The following LILRB2 variants were observed in gnomAD, a reference collection of about 807,000 sequenced individuals.
LILRB2 encodes the protein leukocyte immunoglobulin-like receptor subfamily B member 2.
In LILRB2, 47 loss-of-function variants were observed where a neutral mutation model predicts 72.7. That is an observed-to-expected ratio of 0.65 (90% CI 0.51 to 0.82). The LOEUF (loss-of-function observed/expected upper bound fraction) is 0.82. Among genes scored for constraint, LILRB2 ranks in the 40% least tolerant of loss-of-function variants. The pLI, the probability that LILRB2 is intolerant of heterozygous loss-of-function variation, is 0.00. For missense variants in LILRB2, 767 were observed against 764.8 expected, an observed-to-expected ratio of 1.00 and a Z score of -0.03; for synonymous variants, 279 against 313.7, an observed-to-expected ratio of 0.89 and a Z score of 1.17.
chr19:54,280,711 G>C, intron 1 of LILRB2, 167 bp from the exon 2 acceptor site: 1 of 965,250 alleles, frequency 1.0e-6, no homozygotes, highest in South Asian at 1.5e-5. Flanking sequence ...GCTGAGGTGG[G>C]GGCAGGCACT....
rs760455944 is a variant in LILRB2, at chr19:54,277,538, C to T, written c.1357+12G>A. The T allele has an allele frequency of 6.4e-7, 1 of 1,565,888 alleles. No homozygotes were observed. Among genetic ancestry groups the T allele is most frequent in the Non-Finnish European group, 8.7e-7 (1 of 1,154,118 alleles). The stretch of plus-strand genomic sequence containing the variant: ...GACCCCGCCCACCTCCCACTCAGAG[C>T]CCCTCACTCACCACTTTGGGGATCC... On this transcript the variant is annotated intron_variant, in intron 9 of 13. Coordinates refer to ENST00000314446, the MANE Select transcript of LILRB2 (RefSeq NM_001080978.4).
At chr19:54,280,583 C>T in intron 1 of LILRB2, 39 bp from the exon 2 acceptor site, 2 of 1,560,416 alleles carry the variant, frequency 1.3e-6, no homozygotes, top group Non-Finnish European at 1.8e-6. Flanking sequence ...ATAGCCTCCC[C>T]TCCTTCCCAC....
In LILRB2 at chr19:54,275,273, T is replaced by A. The variant is rs150193555; in HGVS notation, c.1648-444A>T. On this transcript the variant is annotated intron_variant, in intron 13 of 13. Transcript: ENST00000314446. Reference sequence around the variant, plus strand: ...TGACCTTGCCCATTTGGCTGCAGCCTCATGGGCCTTCCCGCAAGAGCTCGC... The same window carrying A: ...TGACCTTGCCCATTTGGCTGCAGCCACATGGGCCTTCCCGCAAGAGCTCGC... The A allele has an allele frequency of 7.5e-4, 515 of 686,714 alleles. 2 individuals are homozygous for A. Among genetic ancestry groups the A allele is most frequent in the African/African-American group, 6.9e-3 (383 of 55,434 alleles). 42.5% of individuals were successfully genotyped at this position (686,714 alleles called of 1,614,324 possible). A position where few individuals can be genotyped will look rare whatever the true frequency, so the allele number is the denominator to read the frequency against.
intron 13 of LILRB2, chr19:54,275,323 C>T (rs1188983022): frequency 3.5e-5 from 20 of 567,120 alleles, no homozygotes; most frequent in Non-Finnish European, 4.8e-5. Flanking sequence ...CTTTGCACGG[C>T]TGTTTCCTCT....
At chr19:54,277,660 G>C in intron 8 of LILRB2, 63 bp from the exon 9 acceptor site, 1 of 1,521,774 alleles carries the variant, frequency 6.6e-7, no homozygotes, top group South Asian at 1.2e-5. Context: ...CAGCCCGGCT[G>C]CTCCTCCCCC....
At chr19:54,280,718 C>T in intron 1 of LILRB2, 174 bp from the exon 2 acceptor site, 1 of 493,192 alleles carries the variant, frequency 2.0e-6, no homozygotes, top group Non-Finnish European at 3.1e-6. Flanking sequence ...TGGGGGCAGG[C>T]ACTGGGCCCT....
At chr19:54,277,222 C>T in intron 9 of LILRB2, 4 of 1,537,416 alleles carry the variant, frequency 2.6e-6, no homozygotes, top group Non-Finnish European at 3.5e-6. Context: ...GGGAAAGAGC[C>T]TTACCGTCCT....
At position 54,280,074 on chromosome 19, in the gene LILRB2, C is replaced by A. The variant is rs2080479129; in HGVS notation, c.72G>T (p.Gly24=). ...SLGPRTRVQT[G]TIPKPTLWAE... ...CCCACAGGGTGGGCTTGGGGATGGTCCCTGGAAGGAAATCAAAGGTCAGAT... is the reference window on the plus strand; with the variant it reads ...CCCACAGGGTGGGCTTGGGGATGGTACCTGGAAGGAAATCAAAGGTCAGAT... The change falls in exon 4 of 14, where the codon GGG becomes GGT. Residue 24 remains glycine (G), a splice_region_variant and synonymous_variant. Coordinates refer to ENST00000314446, the MANE Select transcript of LILRB2 (RefSeq NM_001080978.4). 12 of 1,613,440 alleles carry A rather than the reference C, an allele frequency of 7.4e-6. No individual in the cohort carries two copies. Among genetic ancestry groups the A allele is most frequent in the Non-Finnish European group, 1.0e-5 (12 of 1,179,744 alleles).
intron 5 of LILRB2, 21 bp downstream of exon 5, chr19:54,279,324 A>T: frequency 1.5e-6 from 2 of 1,352,870 alleles, no homozygotes; most frequent in Non-Finnish European, 2.0e-6. Context: ...GGAACTCCAG[A>T]CAATGCTGTG....
In LILRB2 at chr19:54,278,556, A is replaced by T; in HGVS notation, c.962T>A (p.Ile321Asn). 1 of 1,614,116 alleles carries T rather than the reference A, an allele frequency of 6.2e-7. No individual in the cohort carries two copies. Among genetic ancestry groups the T allele is most frequent in the Non-Finnish European group, 8.5e-7 (1 of 1,179,976 alleles). ...CACTGAGATGAAGGGTGTGCCACGG[A>T]TCTGTCCTGGAGAGAAGAAGGATGG... The part of the protein sequence containing the change: ...DPLDILITGQ[I>N]RGTPFISVQP... The change falls in exon 7 of 14, where the codon ATC becomes AAC. Residue 321 changes from isoleucine to asparagine, a missense_variant. Ile to Asn is a moderately radical substitution (Grantham distance 149). Transcript: ENST00000314446.
At chr19:54,276,571 A>G in intron 10 of LILRB2, 115 bp from the exon 11 acceptor site, 1 of 1,428,796 alleles carries the variant, frequency 7.0e-7, no homozygotes, top group Non-Finnish European at 9.5e-7. Flanking sequence ...CATGTTCCAA[A>G]TGCCTCATGA....
rs771631676 is a variant in LILRB2, at chr19:54,277,611, A to G, written c.1310-14T>C. Reference sequence around the variant, plus strand: ...GGTCCTCAGGGCCTGCTGGGTCAGGACGGGGAGGTGAGGGCTGGGGCTGCC... The same window carrying G: ...GGTCCTCAGGGCCTGCTGGGTCAGGGCGGGGAGGTGAGGGCTGGGGCTGCC... On this transcript the variant is annotated splice_polypyrimidine_tract_variant and intron_variant, in intron 8 of 13. Transcript: ENST00000314446. 4 of 1,567,694 alleles carry G rather than the reference A, an allele frequency of 2.6e-6. No homozygotes were observed. The highest frequency in any genetic ancestry group is 2.6e-6 in the Non-Finnish European group (3 of 1,155,690).
intron 5 of LILRB2, 52 bp downstream of exon 5, chr19:54,279,293 T>TGGAGACTCAG: frequency 1.3e-6 from 2 of 1,574,610 alleles, no homozygotes; most frequent in East Asian, 2.2e-5. Flanking sequence ...CCCACCTGCC[T>TGGAGACTCAG]GGAGACTCAG....
At chr19:54,275,630 C>A (rs781302508) in intron 13 of LILRB2, 3 of 547,264 alleles carry the variant, frequency 5.5e-6, no homozygotes, top group Non-Finnish European at 1.1e-5. Flanking sequence ...TGGGAACACT[C>A]ACTGGTTGAA....
In LILRB2 at chr19:54,280,975, C is replaced by G; in HGVS notation, c.-63G>C. On this transcript the variant is annotated 5_prime_UTR_variant, in exon 1 of 14. Transcript: ENST00000314446. ...GGGGTCCTTACCATGGCAGTCGTCC[C>G]TCCAGCCCTGGAGATGCTTCAGGGA... 1.5e-6 allele frequency: 2 copies of G among 1,316,316 alleles called. No homozygotes were observed. Among genetic ancestry groups the G allele is most frequent in the Non-Finnish European group, 2.0e-6 (2 of 986,156 alleles). The allele number at this position is 1,316,316 out of a possible 1,614,324, so 81.5% of individuals were successfully genotyped here.
In LILRB2 at chr19:54,274,282, T is replaced by C. The variant is rs1169521922; in HGVS notation, c.*401A>G. The C allele has an allele frequency of 5.6e-6, 1 of 177,082 alleles. No homozygotes were observed. Among genetic ancestry groups the C allele is most frequent in the Admixed American group, 5.6e-5 (1 of 17,852 alleles). 11.0% of individuals were successfully genotyped at this position (177,082 alleles called of 1,614,324 possible). The stretch of plus-strand genomic sequence containing the variant: ...TCATTTGGAATAATTGGTTATTCTT[T>C]TTCTAAATTCCTTATACGAAAGCCA... On this transcript the variant is annotated 3_prime_UTR_variant, in exon 14 of 14. Transcript: ENST00000314446.
In LILRB2 at chr19:54,279,931, C is replaced by A; in HGVS notation, c.215G>T (p.Arg72Leu). 1 of 1,614,074 alleles carries A rather than the reference C, an allele frequency of 6.2e-7. No homozygotes were observed. Among genetic ancestry groups the A allele is most frequent in the South Asian group, 1.1e-5 (1 of 91,082 alleles). Residue 72 changes from arginine (R) to leucine (L), a missense_variant, in exon 4 of 14, where the codon CGG (arginine) becomes CTG (leucine). Coordinates refer to ENST00000314446, the MANE Select transcript of LILRB2 (RefSeq NM_001080978.4). ...REKKSASWITRIRPELVKNGQ... is the reference protein window; with the variant it reads ...REKKSASWITLIRPELVKNGQ... Reference sequence around the variant, plus strand: ...GTTCTTCACAAGCTCTGGTCGTATCCGTGTAATCCAAGATGCTGATTTTTT... The same window carrying A: ...GTTCTTCACAAGCTCTGGTCGTATCAGTGTAATCCAAGATGCTGATTTTTT...
At position 54,280,056 on chromosome 19, in the gene LILRB2, G is replaced by A. The variant is rs1326289883; in HGVS notation, c.90C>T (p.Thr30=). The change falls in exon 4 of 14, where the codon ACC becomes ACT. Residue 30 remains threonine, a synonymous_variant. Transcript: ENST00000314446. ...RVQTGTIPKP[T]LWAEPDSVIT... ...TCACAGAGTCTGGCTCAGCCCACAG[G>A]GTGGGCTTGGGGATGGTCCCTGGAA... The A allele has an allele frequency of 2.5e-6, 4 of 1,613,796 alleles. No individual in the cohort carries two copies. The highest frequency in any genetic ancestry group is 1.7e-5 in the Admixed American group (1 of 59,994).
At position 54,279,908 on chromosome 19, in the gene LILRB2, T is replaced by G. The variant is rs765227358; in HGVS notation, c.238A>C (p.Asn80His). The change falls in exon 4 of 14, where the codon AAC becomes CAC. Residue 80 changes from asparagine to histidine, a missense_variant. This residue lies in a region of LILRB2 where 599 missense variants were observed against 568.2 expected (regional missense o/e 1.05). Transcript: ENST00000314446. ...ITRIRPELVKNGQFHIPSITW... is the reference protein window; with the variant it reads ...ITRIRPELVKHGQFHIPSITW... ...ATGGATGGGATGTGGAACTGGCCGT[T>G]CTTCACAAGCTCTGGTCGTATCCGT... 3.1e-6 allele frequency: 5 copies of G among 1,614,104 alleles called. No individual in the cohort carries two copies. Among genetic ancestry groups the G allele is most frequent in the Non-Finnish European group, 4.2e-6 (5 of 1,180,004 alleles).
Sources: gnomAD v4.1 joint callset for allele counts on GRCh38, gnomAD v4.1.1 for gene constraint, gnomAD v4.1.1 regional missense constraint, MANE v1.5 for transcripts, NCBI Gene and HGNC (gene_info 2026-07-23, HGNC 2026-07-21) for gene names.